SLC12A1: variants seen among roughly 807,000 people sequenced by gnomAD.
SLC12A1 encodes solute carrier family 12 member 1.
In SLC12A1, 89 loss-of-function variants were observed where a neutral mutation model predicts 130.4. The ratio of observed to expected loss-of-function variants is 0.68; its 90% CI spans 0.58 to 0.81. SLC12A1 has a LOEUF of 0.81. Among genes scored for constraint, SLC12A1 ranks in the 40% least tolerant of loss-of-function variants. SLC12A1 has a pLI of 0.00. For synonymous variants in SLC12A1, 499 were observed against 460.0 expected (o/e 1.08, Z -1.09); for missense variants, 1,310 against 1,336.4 (o/e 0.98, Z 0.31).
intron 13 of SLC12A1, 107 bp from the exon 14 acceptor site, chr15:48,249,468 G>A (rs570607640): frequency 2.7e-5 from 23 of 847,786 alleles, no homozygotes; most frequent in South Asian, 4.3e-5. Context: ...ACAGATGCTC[G>A]CTATGTTTTC....
At chr15:48,251,549 C>A (rs903939536) in intron 14 of SLC12A1, 66 bp from the exon 15 acceptor site, 2 of 1,273,394 alleles carry the variant, frequency 1.6e-6, no homozygotes, top group Admixed American at 1.7e-5. Context: ...TACCTGCATT[C>A]TTCTAATATT....
chr15:48,279,749 G>C (rs2041991930), intron 20 of SLC12A1, among the ~76,000 whole-genome samples: 1 of 152,190 alleles, frequency 6.6e-6, no homozygotes, highest in Admixed American at 6.5e-5. Flanking sequence ...CATATATTGT[G>C]GTCAAGTATT....
chr15:48,209,757 C>A (rs2041030147), intron 2 of SLC12A1, among the ~76,000 whole-genome samples: 1 of 152,136 alleles, frequency 6.6e-6, no homozygotes, highest in Admixed American at 6.5e-5. Flanking sequence ...TTTGCCTTGG[C>A]TGCTAGGGTC....
At chr15:48,237,185 T>C in intron 9 of SLC12A1, 1 of 600,636 alleles carries the variant, frequency 1.7e-6, no homozygotes, top group South Asian at 2.0e-5. Context: ...TTTTGAGGGA[T>C]GAACAGGAGT....
At position 48,289,489 on chromosome 15, in the gene SLC12A1, T is replaced by TAC. The variant is rs202205230; in HGVS notation, c.2873+983_2873+984dup. 4.5e-4 allele frequency among the ~76,000 whole-genome samples: 53 copies of TAC among 117,228 alleles called. 1 individual carries two copies. The highest frequency in any genetic ancestry group is 2.4e-3 in the Admixed American group (30 of 12,294). 76.9% of individuals were successfully genotyped at this position (117,228 alleles called of 152,430 possible). ...GTATAACAATGTATAACAATGTATA[T>TAC]ACACACACACAGTTATACACTGCTA... is the stretch of plus-strand genomic sequence containing the variant. On this transcript the variant is annotated intron_variant, in intron 23 of 26. Transcript: ENST00000380993.
At chr15:48,272,292 C>A (rs2041906305) in intron 19 of SLC12A1, among the ~76,000 whole-genome samples, 1 of 152,156 alleles carries the variant, frequency 6.6e-6, no homozygotes, top group Non-Finnish European at 1.5e-5. Context: ...ATTTTTGTGG[C>A]TTTATGACTT....
At chr15:48,245,361 G>A (rs1028484301) in intron 11 of SLC12A1, among the ~76,000 whole-genome samples, 2 of 152,146 alleles carry the variant, frequency 1.3e-5, no homozygotes, top group African/African-American at 2.4e-5. Context: ...TGTTCACTGT[G>A]AGTAGTTCAC....
intron 18 of SLC12A1, among the ~76,000 whole-genome samples, chr15:48,268,740 T>C (rs1010796038): frequency 6.6e-6 from 1 of 152,234 alleles, no homozygotes; most frequent in Non-Finnish European, 1.5e-5. Context: ...TATTGCAAGA[T>C]GCTGATTTTT....
intron 19 of SLC12A1, among the ~76,000 whole-genome samples, chr15:48,272,226 C>T (rs566214306): frequency 5.3e-5 from 8 of 152,314 alleles, no homozygotes; most frequent in African/African-American, 1.4e-4. Flanking sequence ...ACTTTTCTAG[C>T]ACAGCAATGG....
chr15:48,232,297 T>C (rs111653788), intron 7 of SLC12A1, among the ~76,000 whole-genome samples: 1,860 of 152,326 alleles, frequency 0.012, 43 homozygotes, highest in African/African-American at 0.042. Context: ...TCACAGGAAT[T>C]GTATTCATCA....
Position 48,246,934 on chromosome 15 carries a change from G to GC in SLC12A1, c.1483dup (p.Leu495ProfsTer49), listed in dbSNP as rs772723913. 4 of 1,613,698 alleles carry GC rather than the reference G, an allele frequency of 2.5e-6. No homozygotes were observed. Among genetic ancestry groups the GC allele is most frequent in the Non-Finnish European group, 3.4e-6 (4 of 1,179,672 alleles). On this transcript the variant is annotated frameshift_variant, in exon 12 of 27. Coordinates refer to ENST00000380993, the MANE Select transcript of SLC12A1 (RefSeq NM_000338.3). LOFTEE classifies it high-confidence loss of function. Reference sequence around the variant, plus strand: ...GTCATGAGCATGGTATCAGGGTTCGGCCCCCTCATCACTGCGGGAATCTTT... The same window carrying GC: ...GTCATGAGCATGGTATCAGGGTTCGGCCCCCCTCATCACTGCGGGAATCTTT...
At chr15:48,299,079 T>G (rs1289753893) in intron 24 of SLC12A1, 61 bp from the exon 25 acceptor site, 14 of 1,423,224 alleles carry the variant, frequency 9.8e-6, no homozygotes, top group Non-Finnish European at 1.4e-5. Context: ...ACACCTGGAG[T>G]ATCTGTGAAA....
intron 17 of SLC12A1, among the ~76,000 whole-genome samples, chr15:48,265,564 T>G (rs1226544400): frequency 1.3e-5 from 2 of 152,208 alleles, no homozygotes; most frequent in Non-Finnish European, 2.9e-5. Flanking sequence ...TGAGCTAAAT[T>G]GATCCATAAT....
In SLC12A1 at chr15:48,231,064, G is replaced by A. The variant is rs568847646; in HGVS notation, c.975+561G>A. ...TCCTTTGTAATTCCCTCAAGTGACT[G>A]GTGCAATTGAAAATATTCCTACGAG... On this transcript the variant is annotated intron_variant, in intron 7 of 26. Coordinates refer to ENST00000380993, the MANE Select transcript of SLC12A1 (RefSeq NM_000338.3). Among the ~76,000 whole-genome samples, 17 of 152,238 alleles carry A rather than the reference G, an allele frequency of 1.1e-4. No individual in the cohort carries two copies. The South Asian group carries it at 3.5e-3, about 32-fold the overall frequency.
At chr15:48,273,935 A>C (rs2041923897) in intron 19 of SLC12A1, among the ~76,000 whole-genome samples, 1 of 152,208 alleles carries the variant, frequency 6.6e-6, no homozygotes, top group African/African-American at 2.4e-5. Context: ...TTATCTCTTA[A>C]ACTTTAATCT....
chr15:48,235,365 A>C, intron 9 of SLC12A1: 1 of 292,810 alleles, frequency 3.4e-6, no homozygotes, highest in African/African-American at 2.2e-5. Flanking sequence ...ACAAAACAAA[A>C]CAAAGGAAAA....
At chr15:48,263,962 T>C (rs1219050861) in intron 17 of SLC12A1, among the ~76,000 whole-genome samples, 5 of 152,080 alleles carry the variant, frequency 3.3e-5, no homozygotes, top group African/African-American at 1.2e-4. Flanking sequence ...CAAAGTCCAT[T>C]ATAGGTATGA....
chr15:48,264,281 T>C (rs78193757), intron 17 of SLC12A1, among the ~76,000 whole-genome samples: 2,374 of 152,296 alleles, frequency 0.016, 70 homozygotes, highest in African/African-American at 0.054. Context: ...TCGTTTTTTT[T>C]CTAAAAAATT....
intron 9 of SLC12A1, chr15:48,237,448 T>A (rs1381854959): frequency 6.5e-6 from 1 of 152,732 alleles, no homozygotes; most frequent in Admixed American, 6.5e-5. Context: ...CCCTTCAAAA[T>A]AAGTGTTAAC....
Sources: gnomAD v4.1 joint callset for allele counts (sites outside exome capture counted in the v4.1 genomes callset) on GRCh38, gnomAD v4.1.1 for gene constraint, MANE v1.5 for transcripts, NCBI Gene and HGNC (gene_info 2026-07-23, HGNC 2026-07-21) for gene names.